The following LCLAT1 variants were observed in gnomAD, a reference collection of about 807,000 sequenced individuals.
LCLAT1 encodes lysocardiolipin acyltransferase 1, also known as 1-AGP acyltransferase 8.
LCLAT1 carries 11 observed loss-of-function variants against 30.7 expected under a neutral mutation model. That is an observed-to-expected ratio of 0.36 (90% CI 0.23 to 0.59). LCLAT1 has a LOEUF of 0.59. Among genes scored for constraint, LCLAT1 ranks in the 20% least tolerant of loss-of-function variants. The pLI, the probability that LCLAT1 is intolerant of heterozygous loss-of-function variation, is 0.77. For synonymous variants in LCLAT1, 155 were observed against 151.3 expected, an observed-to-expected ratio of 1.02 and a Z score of -0.18; for missense variants, 402 against 458.6, an observed-to-expected ratio of 0.88 and a Z score of 1.13.
chr2:30,592,070 A>G (rs969338486), intron 5 of LCLAT1, among the ~76,000 whole-genome samples: 1 of 152,166 alleles, frequency 6.6e-6, no homozygotes, highest in Non-Finnish European at 1.5e-5. Flanking sequence ...AGGACTTGGT[A>G]CTTACTAAGC....
intron 1 of LCLAT1, among the ~76,000 whole-genome samples, chr2:30,473,623 T>C (rs191081407): frequency 1.3e-5 from 2 of 152,346 alleles, no homozygotes; most frequent in African/African-American, 4.8e-5. Context: ...TGAACATGGA[T>C]GCGTTCTATG....
At chr2:30,589,418 T>G (rs983306171) in intron 5 of LCLAT1, among the ~76,000 whole-genome samples, 1 of 151,750 alleles carries the variant, frequency 6.6e-6, no homozygotes, top group Non-Finnish European at 1.5e-5. Context: ...ATAACGAGTA[T>G]GTTTATCCTA....
At chr2:30,621,107 A>C (rs2148516298) in intron 5 of LCLAT1, among the ~76,000 whole-genome samples, 1 of 152,236 alleles carries the variant, frequency 6.6e-6, no homozygotes, top group African/African-American at 2.4e-5. Flanking sequence ...TTGATAGGAC[A>C]CTATTCAACC....
At chr2:30,482,570 T>C (rs1166813202) in intron 1 of LCLAT1, among the ~76,000 whole-genome samples, 1 of 152,184 alleles carries the variant, frequency 6.6e-6, no homozygotes, top group Non-Finnish European at 1.5e-5. Context: ...TTATATGCCG[T>C]GACAGCTCAT....
At chr2:30,499,373 G>C (rs829668) in intron 1 of LCLAT1, among the ~76,000 whole-genome samples, 89,866 of 151,986 alleles carry the variant, frequency 0.59, 27,462 homozygotes, top group Non-Finnish European at 0.68. Context: ...GTAGAGACAG[G>C]GTTTCGCCAT....
At chr2:30,459,897 G>A (rs1682026818) in intron 1 of LCLAT1, among the ~76,000 whole-genome samples, 1 of 152,138 alleles carries the variant, frequency 6.6e-6, no homozygotes, top group South Asian at 2.1e-4. Context: ...CTATTGGAGG[G>A]AGATAAATGT....
chr2:30,535,757 G>T (rs749201533), intron 3 of LCLAT1, among the ~76,000 whole-genome samples: 7 of 152,236 alleles, frequency 4.6e-5, no homozygotes, highest in Non-Finnish European at 7.4e-5. Context: ...ACGTGAAAAG[G>T]CAGGGAAACC....
At chr2:30,566,421 A>C (rs1383513977) in intron 4 of LCLAT1, among the ~76,000 whole-genome samples, 1 of 152,182 alleles carries the variant, frequency 6.6e-6, no homozygotes, top group Non-Finnish European at 1.5e-5. Context: ...TCCTCAAATG[A>C]ATATGAGAGG....
intron 5 of LCLAT1, among the ~76,000 whole-genome samples, chr2:30,598,336 T>G (rs1231089179): frequency 6.6e-6 from 1 of 152,124 alleles, no homozygotes; most frequent in African/African-American, 2.4e-5. Flanking sequence ...ATTGGTCTAT[T>G]CAGGCATTCA....
At chr2:30,518,733 G>A (rs555910513) in intron 1 of LCLAT1, among the ~76,000 whole-genome samples, 1 of 152,244 alleles carries the variant, frequency 6.6e-6, no homozygotes, top group Non-Finnish European at 1.5e-5. Flanking sequence ...TACAGTCCTG[G>A]ACCTTAAGGA....
At chr2:30,550,782 G>T (rs1664643066) in intron 3 of LCLAT1, among the ~76,000 whole-genome samples, 1 of 152,106 alleles carries the variant, frequency 6.6e-6, no homozygotes, top group African/African-American at 2.4e-5. Context: ...AAGGAATGAA[G>T]CTCTACTTCC....
At chr2:30,617,644 A>C (rs1668057540) in intron 5 of LCLAT1, among the ~76,000 whole-genome samples, 1 of 152,156 alleles carries the variant, frequency 6.6e-6, no homozygotes, top group African/African-American at 2.4e-5. Context: ...ATCCTGACCA[A>C]AACCTGATAT....
intron 1 of LCLAT1, among the ~76,000 whole-genome samples, chr2:30,495,577 A>C (rs553142626): frequency 6.6e-6 from 1 of 152,224 alleles, no homozygotes; most frequent in Non-Finnish European, 1.5e-5. Flanking sequence ...AGAAAGAAAA[A>C]GCACCAACAG....
At chr2:30,577,665 T>C (rs189803936) in intron 5 of LCLAT1, among the ~76,000 whole-genome samples, 2 of 152,274 alleles carry the variant, frequency 1.3e-5, no homozygotes, top group African/African-American at 2.4e-5. Context: ...ATAGTCTGAT[T>C]TGATTATAAT....
intron 5 of LCLAT1, among the ~76,000 whole-genome samples, chr2:30,623,784 A>G (rs1668382589): frequency 6.6e-6 from 1 of 152,212 alleles, no homozygotes; most frequent in Admixed American, 6.5e-5. Context: ...TCATTGCAAA[A>G]AGATCATCGC....
At chr2:30,531,326 A>G (rs1685974296) in intron 2 of LCLAT1, among the ~76,000 whole-genome samples, 1 of 152,166 alleles carries the variant, frequency 6.6e-6, no homozygotes, top group African/African-American at 2.4e-5. Flanking sequence ...GGACTCTGCC[A>G]TGATCCTTTT....
intron 5 of LCLAT1, among the ~76,000 whole-genome samples, chr2:30,569,403 G>A (rs1246704689): frequency 6.6e-6 from 1 of 152,192 alleles, no homozygotes; most frequent in Non-Finnish European, 1.5e-5. Context: ...ATACTGAAGT[G>A]TTAATTTTAT....
chr2:30,634,571 G>C (rs570975206), intron 5 of LCLAT1, among the ~76,000 whole-genome samples: 1 of 152,308 alleles, frequency 6.6e-6, no homozygotes, highest in South Asian at 2.1e-4. Context: ...GTTGCAGTGA[G>C]CCGGCGACAA....
At chr2:30,476,446 C>A (rs1258975333) in intron 1 of LCLAT1, 1 of 456,580 alleles carries the variant, frequency 2.2e-6, no homozygotes, top group Non-Finnish European at 4.4e-6. Context: ...CACCTCTGCT[C>A]AGATCCGCCA....
Sources: gnomAD v4.1 joint callset for allele counts (sites outside exome capture counted in the v4.1 genomes callset) on GRCh38, gnomAD v4.1.1 for gene constraint, MANE v1.5 for transcripts, NCBI Gene and HGNC (gene_info 2026-07-23, HGNC 2026-07-21) for gene names.